ZDHHC11: variants seen among roughly 807,000 people sequenced by gnomAD.
ZDHHC11 encodes zDHHC palmitoyltransferase 11.
In ZDHHC11, 44 loss-of-function variants were observed where a neutral mutation model predicts 51.3. The observed-to-expected ratio is 0.86, with a 90% CI of 0.67 to 1.10. The LOEUF is 1.10. Among genes scored for constraint, ZDHHC11 ranks in the 50% least tolerant of loss-of-function variants. ZDHHC11 has a pLI of 0.00. For synonymous variants in ZDHHC11, 163 were observed against 222.0 expected, an observed-to-expected ratio of 0.73 and a Z score of 2.36; for missense variants, 400 against 537.7, an observed-to-expected ratio of 0.74 and a Z score of 2.53.
Position 847,357 on chromosome 5 carries a change from G to A in ZDHHC11, c.503+157C>T, listed in dbSNP as rs868070421. On this transcript the variant is annotated intron_variant, in intron 3 of 12. Transcript: ENST00000283441. ...CAGCCCCAGAGCCAGACAGGAGGCC[G>A]GGGCACGCAGGCACCAAGCGCCACC... is the stretch of plus-strand genomic sequence containing the variant. Among the ~76,000 whole-genome samples, 42 of 151,746 alleles carry A rather than the reference G, an allele frequency of 2.8e-4. No homozygotes were observed. The South Asian group carries it at 3.1e-3, about 11-fold the overall frequency.
At chr5:852,085 CAA>C (rs889289945), upstream of ZDHHC11, among the ~76,000 whole-genome samples, 10 of 151,082 alleles carry the variant, frequency 6.6e-5, no homozygotes, top group Admixed American at 2.0e-4. Context: ...AAAGAAAAGT[CAA>C]AGTTACCAAG....
intron 12 of ZDHHC11, among the ~76,000 whole-genome samples, chr5:800,436 T>C (rs1738250375): frequency 1.3e-5 from 2 of 150,696 alleles, no homozygotes; most frequent in South Asian, 2.1e-4. Flanking sequence ...CAGTCTCATT[T>C]TAAGGTACAA....
chr5:857,687 T>A lies in ZDHHC11; in HGVS notation c.-1+1187A>T, dbSNP rs1748447747. 2.1e-5 allele frequency among the ~76,000 whole-genome samples: 3 copies of A among 145,232 alleles called. No individual in the cohort carries two copies. In the South Asian group the frequency reaches 6.7e-4, roughly 32 times the overall value. On this transcript the variant is annotated intron_variant, in intron 1 of 3. Transcript: ENST00000685990. ...ACCAGGCCCCTAGAGTCTGTCCAGG[T>A]CCCATCCCTGTCTTTATGACACCAT... is the stretch of plus-strand genomic sequence containing the variant.
intron 7 of ZDHHC11, among the ~76,000 whole-genome samples, chr5:830,042 G>A (rs1315900117): frequency 4.1e-5 from 6 of 146,676 alleles, no homozygotes; most frequent in African/African-American, 1.0e-4. Flanking sequence ...TACTGAATGG[G>A]GAAAAGTTGA....
At chr5:801,231 A>C in intron 11 of ZDHHC11, 67 bp from the exon 12 acceptor site, 1 of 1,589,534 alleles carries the variant, frequency 6.3e-7, no homozygotes, top group Non-Finnish European at 8.6e-7. Context: ...ATAATGCCAA[A>C]GTGCACAAAA....
At chr5:849,821 A>T (rs1746863605) in intron 1 of ZDHHC11, 1 of 153,686 alleles carries the variant, frequency 6.5e-6, no homozygotes, top group African/African-American at 2.4e-5. Flanking sequence ...CCTGGGACAA[A>T]CACAGACTCT....
At chr5:841,237 G>T (rs1744866460) in intron 4 of ZDHHC11, 20 of 1,029,236 alleles carry the variant, frequency 1.9e-5, no homozygotes, top group Non-Finnish European at 2.1e-5. Context: ...GGCTCTGCCG[G>T]GCCCCAGCAC....
chr5:817,543 C>A (rs914201591), intron 10 of ZDHHC11, among the ~76,000 whole-genome samples: 1 of 151,342 alleles, frequency 6.6e-6, no homozygotes, highest in African/African-American at 2.4e-5. Context: ...CTGCCTGTTA[C>A]GTTTTGTGCT....
Position 819,550 on chromosome 5 carries a change from T to C in ZDHHC11, c.1121A>G (p.His374Arg). The change falls in exon 10 of 13, where the codon CAC (histidine) becomes CGC (arginine). Residue 374 changes from histidine (H) to arginine (R), a missense_variant. His to Arg is a conservative substitution (Grantham distance 29). Coordinates refer to ENST00000283441, the MANE Select transcript of ZDHHC11 (RefSeq NM_024786.3). ...RRLCQFSTRV[H>R]PDGGSMAQEA... is the part of the protein sequence containing the mutation. ...CTGTGCCATCGAGCCCCCGTCTGGG[T>C]GTACACGAGTGGAGAACTGACACAG... is the stretch of plus-strand genomic sequence containing the variant. 1 of 1,609,794 alleles carries C rather than the reference T, an allele frequency of 6.2e-7. No individual in the cohort carries two copies. Among genetic ancestry groups the C allele is most frequent in the Non-Finnish European group, 8.5e-7 (1 of 1,176,656 alleles).
At chr5:854,407 GC>G (rs1747816103), upstream of ZDHHC11, among the ~76,000 whole-genome samples, 2 of 149,862 alleles carry the variant, frequency 1.3e-5, no homozygotes, top group South Asian at 2.1e-4. Flanking sequence ...AGGACAGTGA[GC>G]CGGGGGGCAC....
At chr5:857,030 CACACACA>C (rs1273570375) in intron 1 of ZDHHC11, among the ~76,000 whole-genome samples, 1 of 151,646 alleles carries the variant, frequency 6.6e-6, no homozygotes, top group African/African-American at 2.4e-5. Flanking sequence ...CACAGAATAC[CACACACA>C]ACACACAATG....
intron 1 of ZDHHC11, among the ~76,000 whole-genome samples, chr5:857,971 C>A (rs1474735378): frequency 7.1e-6 from 1 of 141,090 alleles, no homozygotes; most frequent in African/African-American, 2.7e-5. Flanking sequence ...TCCTGGTCCC[C>A]GTCCTATCTT....
At chr5:806,625 T>G (rs1265918035) in intron 11 of ZDHHC11, among the ~76,000 whole-genome samples, 3 of 151,350 alleles carry the variant, frequency 2.0e-5, no homozygotes, top group Non-Finnish European at 4.4e-5. Context: ...TATCTGTAAT[T>G]CACCCAACTG....
intron 1 of ZDHHC11, among the ~76,000 whole-genome samples, chr5:857,480 A>G (rs927288419): frequency 1.3e-5 from 2 of 152,166 alleles, no homozygotes. Flanking sequence ...ATATGACACC[A>G]GGCCCCCAGA....
At position 806,687 on chromosome 5, in the gene ZDHHC11, AG is replaced by A. The variant is rs554967410; in HGVS notation, c.1182-5524del. On this transcript the variant is annotated intron_variant, in intron 11 of 12. Coordinates refer to ENST00000283441, the MANE Select transcript of ZDHHC11 (RefSeq NM_024786.3). The stretch of plus-strand genomic sequence containing the variant: ...AAAAACTCTATAAATCAATAAGAAA[AG>A]CACAAAGAGTCCAGTGGAAAAATGG... Among the ~76,000 whole-genome samples the A allele has an allele frequency of 9.7e-4, 147 of 151,414 alleles. 1 individual carries two copies. The highest frequency in any genetic ancestry group is 3.4e-3 in the African/African-American group (142 of 41,250).
In ZDHHC11 at chr5:795,793, T is replaced by C. The variant is rs147774767; in HGVS notation, c.*795A>G. 611 of 154,454 alleles carry C rather than the reference T, an allele frequency of 4.0e-3. 14 individuals are homozygous for C. Among genetic ancestry groups the C allele is most frequent in the African/African-American group, 0.014 (594 of 41,278 alleles). The allele number at this position is 154,454 out of a possible 1,614,324, so 9.6% of individuals were successfully genotyped here. ...AAAACTCAGAATCCAGGTCTGGGGT[T>C]TCCCAGTACTATGCTCCCATTTCCC... On this transcript the variant is annotated 3_prime_UTR_variant, in exon 13 of 13. Coordinates refer to ENST00000283441, the MANE Select transcript of ZDHHC11 (RefSeq NM_024786.3).
chr5:807,753 G>C (rs1195984432), intron 11 of ZDHHC11, among the ~76,000 whole-genome samples: 1 of 152,026 alleles, frequency 6.6e-6, no homozygotes, highest in Non-Finnish European at 1.5e-5. Context: ...AAAAACTTAT[G>C]AGATTATAGA....
At position 805,978 on chromosome 5, in the gene ZDHHC11, G is replaced by A. The variant is rs1182583194; in HGVS notation, c.1182-4814C>T. ...ATGTTGCTGACCCCACACAGCAAGC[G>A]GCTAGCCTCTGCCACCCCACAGGAG... On this transcript the variant is annotated intron_variant, in intron 11 of 12. Coordinates refer to ENST00000283441, the MANE Select transcript of ZDHHC11 (RefSeq NM_024786.3). Among the ~76,000 whole-genome samples, 89 of 151,138 alleles carry A rather than the reference G, an allele frequency of 5.9e-4. 6 individuals are homozygous for A. Among genetic ancestry groups the A allele is most frequent in the Middle Eastern group, 6.8e-3 (2 of 294 alleles).
At chr5:812,537 G>A (rs1469319734) in intron 11 of ZDHHC11, among the ~76,000 whole-genome samples, 1 of 151,404 alleles carries the variant, frequency 6.6e-6, no homozygotes, top group African/African-American at 2.4e-5. Context: ...GTGTTATTTG[G>A]ATAAAACTAA....
Sources: gnomAD v4.1 joint callset for allele counts (sites outside exome capture counted in the v4.1 genomes callset) on GRCh38, gnomAD v4.1.1 for gene constraint, MANE v1.5 for transcripts, NCBI Gene and HGNC (gene_info 2026-07-23, HGNC 2026-07-21) for gene names.